Variants in CCDC88A observed in about 807,000 individuals in gnomAD.
CCDC88A encodes the protein girdin.
In CCDC88A, 54 loss-of-function variants were observed where a neutral mutation model predicts 234.3. The observed-to-expected ratio is 0.23, with a 90% CI of 0.19 to 0.29. The LOEUF (loss-of-function observed/expected upper bound fraction) is 0.29, where lower values mean the gene tolerates loss of function less well. Among genes scored for constraint, CCDC88A ranks in the 10% least tolerant of loss-of-function variants. The probability of loss-of-function intolerance (pLI) is 1.00; values close to 1 mark genes in which losing one functional copy is unlikely to be tolerated. For synonymous variants in CCDC88A, 753 were observed against 737.8 expected (o/e 1.02, Z -0.33); for missense variants, 1,832 against 2,123.4 (o/e 0.86, Z 2.70).
chr2:55,319,408 T>C (rs1452353118), intron 18 of CCDC88A, among the ~76,000 whole-genome samples: 1 of 152,124 alleles, frequency 6.6e-6, no homozygotes, highest in Non-Finnish European at 1.5e-5. Context: ...ACTTTTCTAA[T>C]TTACCCAAAG....
chr2:55,410,575 C>A (rs1214494647), intron 2 of CCDC88A, among the ~76,000 whole-genome samples: 1 of 152,056 alleles, frequency 6.6e-6, no homozygotes, highest in Non-Finnish European at 1.5e-5. Flanking sequence ...TGGGTTTTAT[C>A]CACCTATTTT....
chr2:55,306,958 G>C (rs1402192709), intron 25 of CCDC88A, among the ~76,000 whole-genome samples: 2 of 152,178 alleles, frequency 1.3e-5, no homozygotes, highest in African/African-American at 4.8e-5. Context: ...AAAACACTGT[G>C]AATAGTTTTT....
chr2:55,291,227 G>C (rs1016654837), intron 32 of CCDC88A, 63 bp from the exon 33 acceptor site: 1 of 152,456 alleles, frequency 6.6e-6, no homozygotes, highest in Non-Finnish European at 1.5e-5. Context: ...AGATAAGAGA[G>C]ACACAAAATA....
At chr2:55,322,334 T>A (rs770873122) in intron 18 of CCDC88A, among the ~76,000 whole-genome samples, 194 bp downstream of exon 18, 57 of 152,186 alleles carry the variant, frequency 3.7e-4, no homozygotes, top group Middle Eastern at 3.4e-3. Flanking sequence ...AAGCCAGTCA[T>A]ATGTTCCAGG....
intron 12 of CCDC88A, among the ~76,000 whole-genome samples, chr2:55,342,408 A>C (rs769935992): frequency 1.3e-5 from 2 of 152,160 alleles, no homozygotes; most frequent in Non-Finnish European, 2.9e-5. Flanking sequence ...CTTACTATTT[A>C]CCAGGCACTA....
At chr2:55,329,542 G>A (rs1684675141) in intron 16 of CCDC88A, 1 of 152,130 alleles carries the variant, frequency 6.6e-6, no homozygotes, top group Non-Finnish European at 1.5e-5. Context: ...GGTGACGTCT[G>A]AGTTGCTTCT....
chr2:55,296,359 G>C lies in CCDC88A; in HGVS notation c.4990C>G (p.Leu1664Val), dbSNP rs764420887. 5 of 1,614,056 alleles carry C rather than the reference G, an allele frequency of 3.1e-6. No homozygotes were observed. The South Asian group carries it at 4.4e-5, about 14-fold the overall frequency. ...PVLQHKISET[L>V]ESRHHKIKTG... ...TTGATCTTGTGATGTCGACTCTCCA[G>C]TGTTTCAGATATTTTGTGCTGGAGC... is the stretch of plus-strand genomic sequence containing the variant. Residue 1664 changes from leucine (L) to valine (V), a missense_variant, in exon 30 of 33, where the codon CTG becomes GTG. Physicochemically the swap from Leu to Val is conservative, Grantham distance 32. Transcript: ENST00000436346.
chr2:55,302,174 C>A, intron 26 of CCDC88A, 102 bp from the exon 27 acceptor site: 1 of 835,236 alleles, frequency 1.2e-6, no homozygotes. Flanking sequence ...TGAATTAATG[C>A]AAATGGACAT....
In CCDC88A at chr2:55,360,264, G is replaced by A. The variant is rs562646268; in HGVS notation, c.627+2044C>T. ...CCAAATATATACTTTTTAGACTGAA[G>A]TGAAACAATTATAACAAAAGCTAAT... On this transcript the variant is annotated intron_variant, in intron 7 of 32. Transcript: ENST00000436346. Among the ~76,000 whole-genome samples, 12 of 152,150 alleles carry A rather than the reference G, an allele frequency of 7.9e-5. 1 individual carries two copies. Among genetic ancestry groups the A allele is most frequent in the African/African-American group, 2.6e-4 (11 of 41,518 alleles).
intron 26 of CCDC88A, 86 bp from the exon 27 acceptor site, chr2:55,302,158 T>C (rs1415162745): frequency 2.9e-6 from 3 of 1,035,146 alleles, no homozygotes; most frequent in Non-Finnish European, 4.4e-6. Flanking sequence ...CTGTGGTTTT[T>C]GTCTATGAAT....
intron 2 of CCDC88A, among the ~76,000 whole-genome samples, chr2:55,407,235 T>C (rs570247157): frequency 6.6e-6 from 1 of 150,974 alleles, no homozygotes; most frequent in East Asian, 2.0e-4. Context: ...AAGAATATAC[T>C]GTCTAAAAAT....
intron 17 of CCDC88A, among the ~76,000 whole-genome samples, chr2:55,326,125 A>G (rs1459278141): frequency 6.7e-6 from 1 of 149,290 alleles, no homozygotes; most frequent in African/African-American, 2.5e-5. Flanking sequence ...CCATCTTACT[A>G]TTTGTTTTCT....
At chr2:55,378,705 T>G (rs772504324) in intron 3 of CCDC88A, among the ~76,000 whole-genome samples, 3 of 152,082 alleles carry the variant, frequency 2.0e-5, no homozygotes, top group Non-Finnish European at 2.9e-5. Context: ...GGTTACCCTA[T>G]GGGTTCTTCA....
chr2:55,316,158 G>C (rs201737813), intron 21 of CCDC88A, 44 bp from the exon 22 acceptor site: 3 of 809,320 alleles, frequency 3.7e-6, no homozygotes, highest in Non-Finnish European at 5.5e-6. Context: ...TATCTTAATA[G>C]CTTTTGGTGT....
intron 13 of CCDC88A, among the ~76,000 whole-genome samples, chr2:55,338,674 T>G (rs1668089847): frequency 6.6e-6 from 1 of 152,180 alleles, no homozygotes; most frequent in African/African-American, 2.4e-5. Flanking sequence ...AAGATGAGCC[T>G]AGAATATTTT....
At chr2:55,350,620 TATA>T (rs1028497446) in intron 8 of CCDC88A, 3 of 148,512 alleles carry the variant, frequency 2.0e-5, no homozygotes, top group Non-Finnish European at 3.0e-5. Context: ...TATTATAAAA[TATA>T]ATGTGTATAT....
At chr2:55,357,000 G>T (rs1163279596) in intron 7 of CCDC88A, among the ~76,000 whole-genome samples, 1 of 152,190 alleles carries the variant, frequency 6.6e-6, no homozygotes, top group Non-Finnish European at 1.5e-5. Flanking sequence ...GGACAGCCCA[G>T]AAATACAATC....
At chr2:55,367,226 T>C (rs1445982979) in intron 5 of CCDC88A, among the ~76,000 whole-genome samples, 1 of 152,044 alleles carries the variant, frequency 6.6e-6, no homozygotes, top group Non-Finnish European at 1.5e-5. Flanking sequence ...TAAAGTAAAA[T>C]GGTGGTTACC....
rs1553436294 is a variant in CCDC88A, at chr2:55,401,468, A to ATGTGTG, written c.165-12583_165-12582insCACACA. Among the ~76,000 whole-genome samples the ATGTGTG allele has an allele frequency of 1.6e-4, 2 of 12,734 alleles. 1 individual carries two copies. The highest frequency in any genetic ancestry group is 7.4e-4 in the Non-Finnish European group (2 of 2,704). The allele number at this position is 12,734 out of a possible 152,430, so 8.4% of individuals were successfully genotyped here. A position where few individuals can be genotyped will look rare whatever the true frequency, so the allele number is the denominator to read the frequency against. ...AAAAAATATATATATATATATATAC[A>ATGTGTG]TATGTGTGTGTATGTATGTGTGTGT... On this transcript the variant is annotated intron_variant, in intron 2 of 32. Coordinates refer to ENST00000436346, the MANE Select transcript of CCDC88A (RefSeq NM_001365480.1).
Sources: gnomAD v4.1 joint callset for allele counts (sites outside exome capture counted in the v4.1 genomes callset) on GRCh38, gnomAD v4.1.1 for gene constraint, MANE v1.5 for transcripts, NCBI Gene and HGNC (gene_info 2026-07-23, HGNC 2026-07-21) for gene names.